The following DNAH12 variants were observed in gnomAD, a reference collection of about 807,000 sequenced individuals.
DNAH12 encodes the protein axonemal beta dynein heavy chain 12.
DNAH12 carries 285 observed loss-of-function variants against 371.5 expected under a neutral mutation model. The ratio of observed to expected loss-of-function variants is 0.77; its 90% CI spans 0.70 to 0.85. DNAH12 has a LOEUF of 0.85. DNAH12 is among the 40% of genes least tolerant of loss of function. The pLI, the probability that DNAH12 is intolerant of heterozygous loss-of-function variation, is 0.00. For synonymous variants in DNAH12, 1,200 were observed against 1,213.0 expected (o/e 0.99, Z 0.22); for missense variants, 3,611 against 3,689.4 (o/e 0.98, Z 0.55).
At chr3:57,393,929 A>T (rs1021639666) in intron 44 of DNAH12, among the ~76,000 whole-genome samples, 34,369 of 152,072 alleles carry the variant, frequency 0.23, 4,506 homozygotes, top group South Asian at 0.43. Context: ...GCTAAATAAC[A>T]TTAAACAGGT....
chr3:57,501,385 C>A lies in DNAH12; in HGVS notation c.1271G>T (p.Gly424Val). ...AGTCTCTATATTCTCAACTGCAGTC[C>A]CATCAAGGAGCCAATTATATTTTTC... is the stretch of plus-strand genomic sequence containing the variant. ...YVEKYNWLLD[G>V]TAVENIETFQ... The change falls in exon 11 of 74, where the codon GGG becomes GTG. Residue 424 changes from glycine (G) to valine (V), a missense_variant. This residue lies in a region of DNAH12 where 1,314 missense variants were observed against 1,398.7 expected (regional missense o/e 0.94). Transcript: ENST00000495027. 6.3e-7 allele frequency: 1 copy of A among 1,590,890 alleles called. No individual in the cohort carries two copies. Among genetic ancestry groups the A allele is most frequent in the Admixed American group, 1.9e-5 (1 of 53,292 alleles).
chr3:57,453,270 A>G lies in DNAH12; in HGVS notation c.3590T>C (p.Val1197Ala), dbSNP rs1347644509. 6.5e-7 allele frequency: 1 copy of G among 1,534,856 alleles called. No individual in the cohort carries two copies. Among genetic ancestry groups the G allele is most frequent in the African/African-American group, 1.4e-5 (1 of 72,004 alleles). The stretch of plus-strand genomic sequence containing the variant: ...ACCCATTTTAATCATGTCCATGACC[A>G]CATCTCTAGCATGGACATCAATAGT... Reference protein sequence around the residue: ...LVTIDVHARDVVMDMIKMGVS... With the variant: ...LVTIDVHARDAVMDMIKMGVS... The change falls in exon 24 of 74, where the codon GTG becomes GCG. Residue 1197 changes from valine (V) to alanine (A), a missense_variant. Transcript: ENST00000495027.
chr3:57,323,579 C>T lies in DNAH12; in HGVS notation c.10019G>A (p.Gly3340Glu), dbSNP rs1221525759. The part of the protein sequence containing the change: ...AITNYVTDKL[G>E]KKFVEPPPFD... Reference sequence around the variant, plus strand: ...TGGTGGAGGCTCTACAAACTTTTTCCCTAGTTTGTCAGTTACATAGTTTGT... The same window carrying T: ...TGGTGGAGGCTCTACAAACTTTTTCTCTAGTTTGTCAGTTACATAGTTTGT... The change falls in exon 63 of 74, where the codon GGG (glycine) becomes GAG (glutamate). Residue 3340 changes from glycine to glutamate, a missense_variant. By Grantham distance (98) the Gly-to-Glu change is moderately conservative (BLOSUM62 -2). Around this residue, in one of 3 missense-constraint regions of DNAH12, gnomAD observed 2,266 missense variants for 2,236.9 expected, o/e 1.01. Transcript: ENST00000495027. 1.8e-5 allele frequency: 28 copies of T among 1,549,930 alleles called. No individual in the cohort carries two copies. Among genetic ancestry groups the T allele is most frequent in the Non-Finnish European group, 2.2e-5 (25 of 1,146,536 alleles).
intron 35 of DNAH12, among the ~76,000 whole-genome samples, chr3:57,424,028 G>A (rs112074812): frequency 0.022 from 3,398 of 151,876 alleles, 97 homozygotes; most frequent in African/African-American, 0.077. Flanking sequence ...CATGAGCCAC[G>A]GCACCCAGCC....
rs537527073 is a variant in DNAH12, at chr3:57,419,270, T to C, written c.5714+97A>G. The C allele has an allele frequency of 3.0e-4, 376 of 1,235,302 alleles. No individual in the cohort carries two copies. The African/African-American group carries it at 4.7e-3, about 15-fold the overall frequency. The allele number at this position is 1,235,302 out of a possible 1,614,324, so 76.5% of individuals were successfully genotyped here. A position where few individuals can be genotyped will look rare whatever the true frequency, so the allele number is the denominator to read the frequency against. On this transcript the variant is annotated intron_variant, in intron 37 of 73. Transcript: ENST00000495027. ...CAAGTCCCCCAGGATTTCAGTTACC[T>C]GAAAAGGGATGATCTCGAATACTTC...
At chr3:57,372,117 T>G (rs1025735475) in intron 55 of DNAH12, among the ~76,000 whole-genome samples, 3 of 151,584 alleles carry the variant, frequency 2.0e-5, no homozygotes, top group Non-Finnish European at 2.9e-5. Flanking sequence ...TCAAAACTGC[T>G]AGAAAAGAAG....
chr3:57,304,450 T>C (rs1032589144), intron 69 of DNAH12, among the ~76,000 whole-genome samples: 3 of 152,030 alleles, frequency 2.0e-5, no homozygotes, highest in African/African-American at 7.2e-5. Context: ...CAACCTCTCT[T>C]ACTATCCCTC....
intron 29 of DNAH12, among the ~76,000 whole-genome samples, chr3:57,444,326 T>C (rs2065405880): frequency 1.3e-5 from 2 of 152,056 alleles, no homozygotes; most frequent in African/African-American, 4.8e-5. Flanking sequence ...CAGGCTGGAG[T>C]GCAGTGGTGG....
intron 62 of DNAH12, among the ~76,000 whole-genome samples, chr3:57,331,328 C>T (rs1337007525): frequency 6.6e-6 from 1 of 152,116 alleles, no homozygotes; most frequent in Non-Finnish European, 1.5e-5. Context: ...AGATACATAG[C>T]TATTAAGTCT....
At chr3:57,304,362 G>C (rs1038320797) in intron 69 of DNAH12, among the ~76,000 whole-genome samples, 1 of 152,048 alleles carries the variant, frequency 6.6e-6, no homozygotes, top group South Asian at 2.1e-4. Flanking sequence ...TATGACCTCG[G>C]GTCCTCAGAC....
rs782061493 is a variant in DNAH12, at chr3:57,408,438, G to A, written c.6118C>T (p.Arg2040Cys). Residue 2040 changes from arginine to cysteine, a missense_variant, in exon 40 of 74, where the codon CGT (arginine) becomes TGT (cysteine). This residue lies in a region of DNAH12 where 2,266 missense variants were observed against 2,236.9 expected (regional missense o/e 1.01). Coordinates refer to ENST00000495027, the MANE Select transcript of DNAH12 (RefSeq NM_001366028.2). ...PGGGRNPVTPRCIRHFNICSI... is the reference protein window; with the variant it reads ...PGGGRNPVTPCCIRHFNICSI... ...CAGATGTTGAAATGTCGAATACAAC[G>A]GGGAGTAACTGGATTTCTTCCACCA... The A allele has an allele frequency of 7.7e-6, 12 of 1,551,348 alleles. No homozygotes were observed. Among genetic ancestry groups the A allele is most frequent in the Admixed American group, 3.9e-5 (2 of 50,956 alleles).
At chr3:57,545,044 G>C (rs7614741), upstream of DNAH12, among the ~76,000 whole-genome samples, 126,776 of 151,258 alleles carry the variant, frequency 0.84, 53,786 homozygotes, top group African/African-American at 0.95. Flanking sequence ...GTCTGGCACA[G>C]AGTAGGTGCT....
At chr3:57,372,724 G>A (rs2153337746) in intron 55 of DNAH12, among the ~76,000 whole-genome samples, 2 of 151,408 alleles carry the variant, frequency 1.3e-5, no homozygotes, top group East Asian at 3.9e-4. Flanking sequence ...AAGCCAATGT[G>A]GACATAAAAT....
At chr3:57,489,317 A>G (rs1024782139) in intron 12 of DNAH12, among the ~76,000 whole-genome samples, 192 bp downstream of exon 12, 6 of 152,178 alleles carry the variant, frequency 3.9e-5, no homozygotes, top group Admixed American at 2.6e-4. Context: ...GCATTTAAAA[A>G]GGTATCAAAC....
intron 60 of DNAH12, among the ~76,000 whole-genome samples, chr3:57,343,932 A>G (rs1432143687): frequency 1.2e-4 from 19 of 152,190 alleles, no homozygotes; most frequent in African/African-American, 4.3e-4. Flanking sequence ...TAATTATAAC[A>G]TAGATTCTTT....
upstream of DNAH12, among the ~76,000 whole-genome samples, chr3:57,544,986 C>T (rs7637462): frequency 0.01 from 1,506 of 147,162 alleles, 28 homozygotes; most frequent in African/African-American, 0.036. Context: ...CCAGTTGCTA[C>T]GTAATTTTTT....
In DNAH12 at chr3:57,408,492, C is replaced by T. The variant is rs924014926; in HGVS notation, c.6064G>A (p.Glu2022Lys). The T allele has an allele frequency of 6.4e-7, 1 of 1,550,746 alleles. No individual in the cohort carries two copies. The highest frequency in any genetic ancestry group is 8.7e-7 in the Non-Finnish European group (1 of 1,146,632). The change falls in exon 40 of 74, where the codon GAG (glutamate) becomes AAG (lysine). Residue 2022 changes from glutamate (E) to lysine (K), a missense_variant. Physicochemically the swap from Glu to Lys is moderately conservative, Grantham distance 56. Transcript: ENST00000495027. ...DTSKITLVDI[E>K]LIAAMGPPGG... The stretch of plus-strand genomic sequence containing the variant: ...GGAGGGCCCATTGCAGCAATCAGCT[C>T]TATGTCCACCAGCGTGATTTTACTT...
In DNAH12 at chr3:57,404,513, C is replaced by T. The variant is rs527707798; in HGVS notation, c.6755+456G>A. Among the ~76,000 whole-genome samples the T allele has an allele frequency of 3.9e-5, 6 of 152,088 alleles. No individual in the cohort carries two copies. The South Asian group carries it at 6.2e-4, about 16-fold the overall frequency. On this transcript the variant is annotated intron_variant, in intron 42 of 73. Transcript: ENST00000495027. ...GGCGGATCACTTGAGGTCAGGAGTT[C>T]GAGACCAGCCTGGCCAGTATGGTGA...
chr3:57,377,528 GT>G (rs2063305336), intron 52 of DNAH12, among the ~76,000 whole-genome samples: 1 of 151,812 alleles, frequency 6.6e-6, no homozygotes, highest in Non-Finnish European at 1.5e-5. Flanking sequence ...TCACTTAACT[GT>G]TGTCAAATAA....
Sources: gnomAD v4.1 joint callset for allele counts (sites outside exome capture counted in the v4.1 genomes callset) on GRCh38, gnomAD v4.1.1 for gene constraint, gnomAD v4.1.1 regional missense constraint, MANE v1.5 for transcripts, NCBI Gene and HGNC (gene_info 2026-07-23, HGNC 2026-07-21) for gene names.